Variants in SESTD1 observed in about 807,000 individuals in gnomAD.
SESTD1 encodes SEC14 and spectrin domain containing 1.
In SESTD1, 43 loss-of-function variants were observed where a neutral mutation model predicts 101.7. The observed-to-expected ratio is 0.42, with a 90% CI of 0.33 to 0.55. The LOEUF (loss-of-function observed/expected upper bound fraction) is 0.55. SESTD1 is among the 20% of genes least tolerant of loss of function. SESTD1 has a pLI of 0.07. For missense variants in SESTD1, 647 were observed against 815.1 expected, an observed-to-expected ratio of 0.79 and a Z score of 2.51; for synonymous variants, 283 against 286.8, an observed-to-expected ratio of 0.99 and a Z score of 0.13.
Position 179,143,756 on chromosome 2 carries a change from C to CTTG in SESTD1, c.684_685insCAA (p.Ser228_Asp229insGln). On this transcript the variant is annotated inframe_insertion, in exon 9 of 18. Coordinates refer to ENST00000428443, the MANE Select transcript of SESTD1 (RefSeq NM_178123.5). Reference sequence around the variant, plus strand: ...ATAGGAGACCATGAAACCCCTCCGTCTGAGCCATTAAATCGACGCTGCTGT... The same window carrying CTTG: ...ATAGGAGACCATGAAACCCCTCCGTCTTGTGAGCCATTAAATCGACGCTGCTGT... 1 of 1,613,984 alleles carries CTTG rather than the reference C, an allele frequency of 6.2e-7. No individual in the cohort carries two copies. The highest frequency in any genetic ancestry group is 2.2e-5 in the East Asian group (1 of 44,868).
intron 5 of SESTD1, among the ~76,000 whole-genome samples, chr2:179,157,528 G>A (rs2045654704): frequency 6.6e-6 from 1 of 152,032 alleles, no homozygotes; most frequent in Non-Finnish European, 1.5e-5. Flanking sequence ...AGAATCATAG[G>A]ATGATTTATT....
intron 1 of SESTD1, among the ~76,000 whole-genome samples, chr2:179,196,893 C>G (rs1464675619): frequency 6.6e-6 from 1 of 152,198 alleles, no homozygotes; most frequent in African/African-American, 2.4e-5. Flanking sequence ...CTCTGAAAAG[C>G]AGAGCGCCTC....
At chr2:179,113,621 A>AT (rs1335596576) in intron 16 of SESTD1, among the ~76,000 whole-genome samples, 3 of 152,170 alleles carry the variant, frequency 2.0e-5, no homozygotes, top group Non-Finnish European at 4.4e-5. Context: ...ACATTTTTGT[A>AT]TTTTAAAACT....
chr2:179,169,943 C>G (rs1250616343), intron 5 of SESTD1, among the ~76,000 whole-genome samples: 1 of 146,666 alleles, frequency 6.8e-6, no homozygotes, highest in Non-Finnish European at 1.5e-5. Flanking sequence ...CACTGCACTC[C>G]AGCCTGGGTA....
chr2:179,136,493 C>T (rs1181020159), intron 9 of SESTD1, among the ~76,000 whole-genome samples: 7 of 152,146 alleles, frequency 4.6e-5, no homozygotes, highest in African/African-American at 1.7e-4. Flanking sequence ...GAACAATTTT[C>T]CATGTCTTTT....
chr2:179,191,106 T>A (rs1221443637), intron 2 of SESTD1, among the ~76,000 whole-genome samples: 1 of 152,150 alleles, frequency 6.6e-6, no homozygotes, highest in Non-Finnish European at 1.5e-5. Context: ...AATTGCTCTA[T>A]CAAAAAGACA....
intron 1 of SESTD1, among the ~76,000 whole-genome samples, chr2:179,218,475 A>C (rs974969155): frequency 6.6e-6 from 1 of 152,224 alleles, no homozygotes; most frequent in African/African-American, 2.4e-5. Flanking sequence ...GCCACACTTC[A>C]TGACAAATTA....
chr2:179,111,661 T>C (rs1207837262), intron 17 of SESTD1, among the ~76,000 whole-genome samples: 5 of 152,068 alleles, frequency 3.3e-5, no homozygotes, highest in Non-Finnish European at 7.4e-5. Flanking sequence ...GGATTATCTC[T>C]AAATTATTTT....
rs78600148 is a variant in SESTD1 at position 179,115,090 on chromosome 2, A to G, written c.1814T>C (p.Ile605Thr). 6.2e-6 allele frequency: 10 copies of G among 1,610,890 alleles called. No homozygotes were observed. In the Admixed American group the frequency reaches 1.0e-4, roughly 16 times the overall value. ...EERVHRLEMA[I>T]AFHSNAEKIL... ...CTTTTCAGCATTTGAGTGAAATGCAATAGCCATTTCCAATCTATGTACTCT... is the reference window on the plus strand; with the variant it reads ...CTTTTCAGCATTTGAGTGAAATGCAGTAGCCATTTCCAATCTATGTACTCT... The change falls in exon 16 of 18, where the codon ATT becomes ACT. Residue 605 changes from isoleucine (I) to threonine (T), a missense_variant. Physicochemically the swap from Ile to Thr is moderately conservative, Grantham distance 89 (BLOSUM62 -1). This residue lies in a region of SESTD1 where 476 missense variants were observed against 562.6 expected (regional missense o/e 0.85). Coordinates refer to ENST00000428443, the MANE Select transcript of SESTD1 (RefSeq NM_178123.5).
chr2:179,188,911 G>A (rs890357686), intron 2 of SESTD1, among the ~76,000 whole-genome samples: 1 of 152,028 alleles, frequency 6.6e-6, no homozygotes, highest in Non-Finnish European at 1.5e-5. Flanking sequence ...CCAATATTGA[G>A]TTCTAAAACT....
rs1042401135 is a variant in SESTD1, at chr2:179,229,730, T to C, written c.-26+34769A>G. 2.1e-5 allele frequency among the ~76,000 whole-genome samples: 3 copies of C among 140,372 alleles called. No individual in the cohort carries two copies. The Admixed American group carries it at 2.2e-4, about 10-fold the overall frequency. 92.1% of individuals were successfully genotyped at this position (140,372 alleles called of 152,430 possible). On this transcript the variant is annotated intron_variant, in intron 1 of 17. Transcript: ENST00000428443. ...TAAGGTTCTTATATACATAAAGAAA[T>C]TTAAGATTTTGTAAGAACTTATATA...
chr2:179,138,870 CAAAAAAAAAAAAAAAA>C (rs61703699), intron 9 of SESTD1, among the ~76,000 whole-genome samples: 1 of 65,538 alleles, frequency 1.5e-5, no homozygotes, highest in Admixed American at 2.4e-4. Flanking sequence ...AACCCTGTCT[CAAAAAAAAAAAAAAAA>C]AAAAAAAAAA....
chr2:179,109,616 T>C lies in SESTD1; in HGVS notation c.*283A>G. ...ACCATTCAAAGCTTATTATCAGTTG[T>C]TTGTCTACAAACTGACAGGTCAGGT... is the stretch of plus-strand genomic sequence containing the variant. On this transcript the variant is annotated 3_prime_UTR_variant, in exon 18 of 18. Coordinates refer to ENST00000428443, the MANE Select transcript of SESTD1 (RefSeq NM_178123.5). The C allele has an allele frequency of 2.2e-6, 1 of 446,324 alleles. No individual in the cohort carries two copies. Among genetic ancestry groups the C allele is most frequent in the Non-Finnish European group, 3.9e-6 (1 of 253,502 alleles). 27.6% of individuals were successfully genotyped at this position (446,324 alleles called of 1,614,324 possible). A position where few individuals can be genotyped will look rare whatever the true frequency, so the allele number is the denominator to read the frequency against.
chr2:179,228,306 T>A (rs189609848), intron 1 of SESTD1, among the ~76,000 whole-genome samples: 1 of 152,198 alleles, frequency 6.6e-6, no homozygotes, highest in Admixed American at 6.5e-5. Flanking sequence ...CTGAATATTA[T>A]ACCTCTTACC....
intron 1 of SESTD1, among the ~76,000 whole-genome samples, chr2:179,204,490 C>T (rs1461246587): frequency 7.4e-6 from 1 of 134,348 alleles, no homozygotes; most frequent in Non-Finnish European, 1.6e-5. Flanking sequence ...TTCTGTGAAC[C>T]AATGAGAATT....
intron 2 of SESTD1, among the ~76,000 whole-genome samples, chr2:179,191,494 G>A (rs2046319405): frequency 6.6e-6 from 1 of 152,054 alleles, no homozygotes; most frequent in South Asian, 2.1e-4. Context: ...CACTACCTGG[G>A]TGAGGAGAAT....
At chr2:179,219,596 T>C (rs1298808652) in intron 1 of SESTD1, among the ~76,000 whole-genome samples, 1 of 152,232 alleles carries the variant, frequency 6.6e-6, no homozygotes, top group African/African-American at 2.4e-5. Flanking sequence ...AATTAACAAA[T>C]ACAAGTACTC....
intron 1 of SESTD1, among the ~76,000 whole-genome samples, chr2:179,253,667 T>C (rs2047350831): frequency 6.6e-6 from 1 of 152,078 alleles, no homozygotes; most frequent in Non-Finnish European, 1.5e-5. Context: ...ATAAAAAGGA[T>C]GGGAAATCAT....
chr2:179,160,984 G>C (rs993759718), intron 5 of SESTD1, among the ~76,000 whole-genome samples: 3 of 151,386 alleles, frequency 2.0e-5, no homozygotes, highest in Non-Finnish European at 2.9e-5. Context: ...CAGGCTGAAG[G>C]GCCACTGCAC....
Sources: allele counts gnomAD v4.1 joint callset (sites outside exome capture counted in the v4.1 genomes callset), GRCh38; gene constraint gnomAD v4.1.1; regional missense constraint gnomAD v4.1.1; transcripts MANE v1.5; gene names NCBI Gene and HGNC (gene_info 2026-07-23, HGNC 2026-07-21).